Variants in NPFFR2 observed in about 807,000 individuals in gnomAD.
NPFFR2 encodes the protein neuropeptide FF receptor 2.
In NPFFR2, 15 loss-of-function variants were observed where a neutral mutation model predicts 13.1. The observed-to-expected ratio is 1.15, with a 90% confidence interval of 0.77 to 1.76. The LOEUF is 1.76. Ranked by LOEUF, NPFFR2 falls within the 40% of genes most tolerant of loss-of-function variation. The pLI is 0.00. For synonymous variants in NPFFR2, 190 were observed against 175.7 expected (o/e 1.08, Z -0.65); for missense variants, 572 against 503.5 (o/e 1.14, Z -1.30).
Position 72,102,840 on chromosome 4 carries a change from A to G in NPFFR2, c.-7-25745A>G, listed in dbSNP as rs578019391. Among the ~76,000 whole-genome samples, 4 of 152,096 alleles carry G rather than the reference A, an allele frequency of 2.6e-5. No individual in the cohort carries two copies. In the East Asian group the frequency reaches 7.8e-4, roughly 30 times the overall value. On this transcript the variant is annotated intron_variant, in intron 1 of 3. Coordinates refer to ENST00000308744, the MANE Select transcript of NPFFR2 (RefSeq NM_004885.3). Reference sequence around the variant, plus strand: ...AGTGCCGCAGGAAACATACGTATGCATTTGTCTTTATAGCAGCATGATTTA... The same window carrying G: ...AGTGCCGCAGGAAACATACGTATGCGTTTGTCTTTATAGCAGCATGATTTA...
At chr4:72,117,961 T>C (rs1017828284) in intron 1 of NPFFR2, among the ~76,000 whole-genome samples, 7 of 151,484 alleles carry the variant, frequency 4.6e-5, no homozygotes, top group African/African-American at 1.7e-4. Context: ...AAAAGTAACC[T>C]GAGATATATT....
intron 1 of NPFFR2, among the ~76,000 whole-genome samples, chr4:72,054,209 T>G (rs1719674259): frequency 6.6e-6 from 1 of 151,884 alleles, no homozygotes. Flanking sequence ...ATGAACAAGT[T>G]TAATTAGACT....
intron 1 of NPFFR2, among the ~76,000 whole-genome samples, chr4:72,042,221 C>T (rs901240686): frequency 2.0e-5 from 3 of 152,068 alleles, no homozygotes; most frequent in East Asian, 1.9e-4. Flanking sequence ...TTCTTGCTGC[C>T]ACCATGTGAA....
intron 1 of NPFFR2, among the ~76,000 whole-genome samples, chr4:72,106,135 A>G (rs1346324107): frequency 3.3e-5 from 5 of 152,058 alleles, no homozygotes; most frequent in Non-Finnish European, 1.5e-5. Flanking sequence ...AAAGGGGATT[A>G]AAGGAGATGT....
At chr4:72,097,050 A>C (rs975012338) in intron 1 of NPFFR2, among the ~76,000 whole-genome samples, 1 of 151,998 alleles carries the variant, frequency 6.6e-6, no homozygotes, top group African/African-American at 2.4e-5. Flanking sequence ...ATGGTCCTAC[A>C]TTTTAGTTTT....
chr4:72,127,585 G>T (rs1444958693), intron 1 of NPFFR2, among the ~76,000 whole-genome samples: 1 of 148,494 alleles, frequency 6.7e-6, no homozygotes, highest in Admixed American at 6.7e-5. Flanking sequence ...GGATGGTCTC[G>T]ATCTCCTGAC....
chr4:72,145,883 G>C (rs777705721), intron 3 of NPFFR2, among the ~76,000 whole-genome samples: 1 of 152,100 alleles, frequency 6.6e-6, no homozygotes, highest in Non-Finnish European at 1.5e-5. Flanking sequence ...ATGTTACACA[G>C]TTGCATAATA....
chr4:72,115,655 C>G (rs1023926728), intron 1 of NPFFR2, among the ~76,000 whole-genome samples: 9 of 152,110 alleles, frequency 5.9e-5, no homozygotes, highest in Non-Finnish European at 1.3e-4. Context: ...ATCTCTAAAG[C>G]CTCCATTTTC....
rs7658649 is a variant in NPFFR2, at chr4:72,122,169, A to G, written c.-7-6416A>G. ...AAAAAGATAAGGAAAAGCATTACAT[A>G]ATGGTAAAGGGATCAATGCAACCAG... is the stretch of plus-strand genomic sequence containing the variant. On this transcript the variant is annotated intron_variant, in intron 1 of 3. Coordinates refer to ENST00000308744, the MANE Select transcript of NPFFR2 (RefSeq NM_004885.3). Among the ~76,000 whole-genome samples the G allele has an allele frequency of 1.4e-3, 213 of 152,302 alleles. 1 individual carries two copies. Among genetic ancestry groups the G allele is most frequent in the African/African-American group, 5.0e-3 (206 of 41,564 alleles).
At chr4:72,105,527 A>G (rs1721393946) in intron 1 of NPFFR2, among the ~76,000 whole-genome samples, 1 of 152,036 alleles carries the variant, frequency 6.6e-6, no homozygotes. Flanking sequence ...TCTAGAGAGT[A>G]CTAATAAATG....
At chr4:72,094,330 G>A (rs1383375606) in intron 1 of NPFFR2, among the ~76,000 whole-genome samples, 1 of 152,212 alleles carries the variant, frequency 6.6e-6, no homozygotes, top group African/African-American at 2.4e-5. Flanking sequence ...AGGAGGTGGT[G>A]CTTTCAAGAG....
intron 3 of NPFFR2, among the ~76,000 whole-genome samples, chr4:72,143,935 G>A (rs565662342): frequency 1.6e-4 from 24 of 152,130 alleles, no homozygotes; most frequent in Admixed American, 2.0e-4. Context: ...CACATCCCTC[G>A]TTACCTACCT....
chr4:72,052,953 G>T (rs1393296843), intron 1 of NPFFR2, among the ~76,000 whole-genome samples: 1 of 151,706 alleles, frequency 6.6e-6, no homozygotes, highest in East Asian at 1.9e-4. Flanking sequence ...CTATGACCTA[G>T]AACACCCCTA....
intron 3 of NPFFR2, among the ~76,000 whole-genome samples, chr4:72,143,049 T>A (rs1285691275): frequency 6.6e-6 from 1 of 152,164 alleles, no homozygotes; most frequent in Non-Finnish European, 1.5e-5. Flanking sequence ...ACCTTCTGAT[T>A]CCTGGAGAAG....
chr4:72,105,872 A>C (rs1050500695), intron 1 of NPFFR2, among the ~76,000 whole-genome samples: 5 of 152,040 alleles, frequency 3.3e-5, no homozygotes, highest in African/African-American at 1.2e-4. Context: ...TTATCCTCCT[A>C]ATAATTATGT....
intron 1 of NPFFR2, among the ~76,000 whole-genome samples, chr4:72,075,465 C>T (rs1720398371): frequency 6.6e-6 from 1 of 152,062 alleles, no homozygotes; most frequent in African/African-American, 2.4e-5. Context: ...GGGAGAAATA[C>T]ACAGTTTTAC....
chr4:72,066,844 A>C (rs771291050), intron 1 of NPFFR2, among the ~76,000 whole-genome samples: 3 of 152,174 alleles, frequency 2.0e-5, no homozygotes, highest in Non-Finnish European at 4.4e-5. Flanking sequence ...TACCCCAAGC[A>C]GCTGCCCTCA....
chr4:72,076,001 ACACACAGAGAGAGAGAGAGG>A (rs1336633650), intron 1 of NPFFR2, among the ~76,000 whole-genome samples: 33 of 16,640 alleles, frequency 2.0e-3, no homozygotes, highest in Admixed American at 4.3e-3. Context: ...ACACACACAC[ACACACAGAGAGAGAGAGAGG>A]GCAGACAGCA....
intron 3 of NPFFR2, 41 bp downstream of exon 3, chr4:72,138,180 G>A: frequency 7.4e-7 from 1 of 1,346,050 alleles, no homozygotes; most frequent in Non-Finnish European, 1.1e-6. Flanking sequence ...AAATTGGCAT[G>A]TCTGCAACTA....
Sources: allele counts gnomAD v4.1 joint callset (sites outside exome capture counted in the v4.1 genomes callset), GRCh38; gene constraint gnomAD v4.1.1; transcripts MANE v1.5; gene names NCBI Gene and HGNC (gene_info 2026-07-23, HGNC 2026-07-21).